Variants in SBNO1 observed in about 807,000 individuals in gnomAD.
The protein encoded by SBNO1 is protein strawberry notch homolog 1.
A neutral mutation model predicts 173.6 loss-of-function variants in SBNO1; 23 were observed. That is an observed-to-expected ratio of 0.13 (90% CI 0.10 to 0.19). The LOEUF (loss-of-function observed/expected upper bound fraction) is 0.19. SBNO1 is among the 10% of genes least tolerant of loss of function. The pLI is 1.00. For synonymous variants in SBNO1, 632 were observed against 571.5 expected, an observed-to-expected ratio of 1.11 and a Z score of -1.51; for missense variants, 1,238 against 1,671.2, an observed-to-expected ratio of 0.74 and a Z score of 4.52.
At chr12:123,335,125 A>G (rs1024432332) in intron 6 of SBNO1, among the ~76,000 whole-genome samples, 1 of 152,200 alleles carries the variant, frequency 6.6e-6, no homozygotes, top group Non-Finnish European at 1.5e-5. Flanking sequence ...TTGTAGGCTA[A>G]GGCTGCAGTG....
At chr12:123,354,387 G>A (rs963607083) in intron 1 of SBNO1, among the ~76,000 whole-genome samples, 2 of 152,046 alleles carry the variant, frequency 1.3e-5, no homozygotes, top group African/African-American at 4.8e-5. Context: ...TAATGAAAGA[G>A]ATTTTAATCC....
At chr12:123,334,570 T>C (rs991477604) in intron 6 of SBNO1, among the ~76,000 whole-genome samples, 5 of 152,096 alleles carry the variant, frequency 3.3e-5, no homozygotes, top group African/African-American at 1.2e-4. Context: ...TAGCTGGGCA[T>C]GTTGGCACGC....
rs765376600 is a variant in SBNO1, at chr12:123,296,006, G to A, written c.4084C>T (p.Leu1362=). The A allele has an allele frequency of 8.1e-6, 13 of 1,614,018 alleles. No individual in the cohort carries two copies. The highest frequency in any genetic ancestry group is 8.5e-6 in the Non-Finnish European group (10 of 1,179,886). The part of the protein sequence containing the change: ...ANCVSPLVNL[L]STSDQSQQLA... The stretch of plus-strand genomic sequence containing the variant: ...TGTTGAGACTGGTCTGAAGTTGATA[G>A]GAGATTTACAAGAGGAGACACACAA... The change falls in exon 32 of 32, where the codon CTA becomes TTA. Residue 1362 remains leucine (L), a synonymous_variant. Transcript: ENST00000602398.
At chr12:123,358,090 A>G (rs772786101) in intron 1 of SBNO1, among the ~76,000 whole-genome samples, 5 of 152,248 alleles carry the variant, frequency 3.3e-5, no homozygotes, top group Non-Finnish European at 7.3e-5. Flanking sequence ...ATACCTGTAC[A>G]TACATAATGA....
At chr12:123,322,643 C>A (rs1032242330) in intron 16 of SBNO1, among the ~76,000 whole-genome samples, 1 of 151,934 alleles carries the variant, frequency 6.6e-6, no homozygotes, top group Non-Finnish European at 1.5e-5. Flanking sequence ...AGATGGCTCA[C>A]ACCTGTAATC....
chr12:123,311,314 AGGTGAGAATGGAAGGAG>A (rs2138923747), intron 24 of SBNO1, among the ~76,000 whole-genome samples, 185 bp from the exon 25 acceptor site: 1 of 152,336 alleles, frequency 6.6e-6, no homozygotes, highest in Non-Finnish European at 1.5e-5. Flanking sequence ...TGACCTAAGA[AGGTGAGAATGGAAGGAG>A]GGTTAAGGGG....
At chr12:123,299,627 G>A in intron 30 of SBNO1, among the ~76,000 whole-genome samples, 1 of 137,260 alleles carries the variant, frequency 7.3e-6, no homozygotes, top group East Asian at 2.3e-4. Flanking sequence ...CTTGCAGTGA[G>A]CCAAGATCAG....
intron 20 of SBNO1, among the ~76,000 whole-genome samples, chr12:123,317,592 C>T (rs1869434502): frequency 6.6e-6 from 1 of 152,170 alleles, no homozygotes; most frequent in Middle Eastern, 3.2e-3. Context: ...ACATGCCCTT[C>T]TCATCCCCTT....
chr12:123,304,591 TTTC>T lies in SBNO1; in HGVS notation c.3756_3758del (p.Lys1253del). On this transcript the variant is annotated inframe_deletion, in exon 29 of 32. Transcript: ENST00000602398. ...ACAAATGAAAAAATACCTTCTTATA[TTTC>T]TTTTTTAGATCAGCATAAATTTCTA... 6.4e-7 allele frequency: 1 copy of T among 1,551,722 alleles called. No homozygotes were observed. The highest frequency in any genetic ancestry group is 8.9e-7 in the Non-Finnish European group (1 of 1,125,324).
chr12:123,345,104 C>T (rs925285510), intron 4 of SBNO1, among the ~76,000 whole-genome samples, 154 bp downstream of exon 4: 13 of 152,052 alleles, frequency 8.5e-5, no homozygotes, highest in African/African-American at 3.1e-4. Flanking sequence ...CTTTTGCTTC[C>T]CTTGAATTGT....
At chr12:123,321,489 C>T in intron 17 of SBNO1, 46 bp downstream of exon 17, 2 of 1,350,464 alleles carry the variant, frequency 1.5e-6, no homozygotes, top group Non-Finnish European at 2.1e-6. Flanking sequence ...TTCAAATATA[C>T]TGAAATATTA....
At chr12:123,322,281 T>G (rs1463062198) in intron 16 of SBNO1, among the ~76,000 whole-genome samples, 1 of 151,862 alleles carries the variant, frequency 6.6e-6, no homozygotes, top group Non-Finnish European at 1.5e-5. Flanking sequence ...TACAGGCACA[T>G]GCAACCATGA....
intron 16 of SBNO1, among the ~76,000 whole-genome samples, chr12:123,322,207 A>G (rs1308501501): frequency 6.6e-6 from 1 of 151,976 alleles, no homozygotes; most frequent in Admixed American, 6.6e-5. Context: ...ATCATAGCTC[A>G]CTGCAGCCTC....
At chr12:123,301,161 C>A (rs1381155187) in intron 30 of SBNO1, among the ~76,000 whole-genome samples, 2 of 152,010 alleles carry the variant, frequency 1.3e-5, no homozygotes, top group Non-Finnish European at 2.9e-5. Flanking sequence ...GCGTCTGCCA[C>A]CATGCCCTGC....
chr12:123,311,738 A>C (rs112855051), intron 24 of SBNO1, among the ~76,000 whole-genome samples: 1,638 of 142,044 alleles, frequency 0.012, 28 homozygotes, highest in African/African-American at 0.027. Context: ...ATATATATAT[A>C]TATATATATA....
At chr12:123,344,508 C>G (rs376037766) in intron 4 of SBNO1, among the ~76,000 whole-genome samples, 17 of 152,304 alleles carry the variant, frequency 1.1e-4, no homozygotes, top group South Asian at 4.1e-4. Context: ...CCTATAAACA[C>G]TTATCGCCCA....
intron 10 of SBNO1, among the ~76,000 whole-genome samples, 192 bp from the exon 11 acceptor site, chr12:123,328,219 A>C (rs914197123): frequency 6.6e-6 from 1 of 152,216 alleles, no homozygotes; most frequent in African/African-American, 2.4e-5. Flanking sequence ...ACATTCACTG[A>C]ATTTGGAATT....
intron 13 of SBNO1, among the ~76,000 whole-genome samples, chr12:123,327,026 G>A (rs938969402): frequency 2.0e-5 from 3 of 151,874 alleles, no homozygotes; most frequent in Admixed American, 6.6e-5. Flanking sequence ...TTTGTTTTGC[G>A]ATGGAGTATC....
intron 31 of SBNO1, among the ~76,000 whole-genome samples, chr12:123,296,575 T>C (rs1439714184): frequency 1.3e-5 from 2 of 151,936 alleles, no homozygotes; most frequent in African/African-American, 4.8e-5. Flanking sequence ...TTGTTTTTTT[T>C]TTCTGAGATG....
Sources: allele counts gnomAD v4.1 joint callset (sites outside exome capture counted in the v4.1 genomes callset), GRCh38; gene constraint gnomAD v4.1.1; transcripts MANE v1.5; gene names NCBI Gene and HGNC (gene_info 2026-07-23, HGNC 2026-07-21).